The following RAD51AP1 variants were observed in gnomAD, a reference collection of about 807,000 sequenced individuals.
RAD51AP1 encodes RAD51 associated protein 1, also known as RAD51-associated protein 1.
RAD51AP1 carries 14 observed loss-of-function variants against 34.3 expected under a neutral mutation model. The observed-to-expected ratio is 0.41, with a 90% CI of 0.27 to 0.64. RAD51AP1 has a LOEUF of 0.64. Ranked by LOEUF, RAD51AP1 falls within the 30% of genes least tolerant of loss-of-function variation. RAD51AP1 has a pLI of 0.33. For missense variants in RAD51AP1, 348 were observed against 386.9 expected (o/e 0.90, Z 0.84); for synonymous variants, 114 against 129.8 (o/e 0.88, Z 0.83).
At chr12:4,546,892 C>G (rs991030538) in intron 4 of RAD51AP1, among the ~76,000 whole-genome samples, 1 of 152,074 alleles carries the variant, frequency 6.6e-6, no homozygotes, top group African/African-American at 2.4e-5. Context: ...TTTGATTTTT[C>G]TGGCAATATA....
chr12:4,554,677 A>G (rs1333115764), intron 7 of RAD51AP1, among the ~76,000 whole-genome samples: 2 of 152,254 alleles, frequency 1.3e-5, no homozygotes, highest in African/African-American at 2.4e-5. Flanking sequence ...TTAATATATA[A>G]TATTAGAAAT....
In RAD51AP1 at chr12:4,553,022, A is replaced by C; in HGVS notation, c.596A>C (p.Glu199Ala). 1 of 1,599,250 alleles carries C rather than the reference A, an allele frequency of 6.3e-7. No homozygotes were observed. Among genetic ancestry groups the C allele is most frequent in the Non-Finnish European group, 8.5e-7 (1 of 1,175,816 alleles). The change falls in exon 7 of 9, where the codon GAG becomes GCG. Residue 199 changes from glutamate (E) to alanine (A), a missense_variant. Transcript: ENST00000352618. The part of the protein sequence containing the change: ...SEDDSDFCES[E>A]DNDEDFSMRK... ...GATGATTCTGATTTTTGTGAGAGTG[A>C]GGATAATGACGAAGACTTCTCTATG...
chr12:4,543,908 A>G lies in RAD51AP1; in HGVS notation c.209+4A>G. The G allele has an allele frequency of 6.3e-7, 1 of 1,598,788 alleles. No homozygotes were observed. ...AAGAGAAAACCCCTAAAAAAAGGTG[A>G]GAGGTAAGACATGCAGTAAATATAT... On this transcript the variant is annotated splice_donor_region_variant and intron_variant, in intron 3 of 8. Transcript: ENST00000352618.
intron 1 of RAD51AP1, among the ~76,000 whole-genome samples, chr12:4,541,320 A>G (rs963509420): frequency 1.3e-5 from 2 of 152,340 alleles, no homozygotes; most frequent in African/African-American, 4.8e-5. Context: ...CTCAGGTGGT[A>G]GGAACAAGGT....
In RAD51AP1 at chr12:4,548,196, AT is replaced by A. The variant is rs1565525402; in HGVS notation, c.406+19del. On this transcript the variant is annotated intron_variant, in intron 5 of 8. Transcript: ENST00000352618. ...TTATTTAGGTAAGTTTTTTATATTA[AT>A]AATTTTTCTCATCAACAATGCTGTT... 1.9e-6 allele frequency: 3 copies of A among 1,584,406 alleles called. No homozygotes were observed. In the African/African-American group the frequency reaches 4.1e-5, roughly 22 times the overall value.
rs755376308 is a variant in RAD51AP1, at chr12:4,538,928, TTGAAAGGG to T, written c.-11_-4del. 6.2e-7 allele frequency: 1 copy of T among 1,614,036 alleles called. No homozygotes were observed. The highest frequency in any genetic ancestry group is 1.7e-5 in the Admixed American group (1 of 60,018). On this transcript the variant is annotated 5_prime_UTR_variant, in exon 1 of 9. Coordinates refer to ENST00000352618, the MANE Select transcript of RAD51AP1 (RefSeq NM_006479.5). ...ATTTGAGAACTGTAAATACCAAGCC[TTGAAAGGG>T]ACCATGGTGCGGCCTGTGAGGTGGG...
intron 1 of RAD51AP1, among the ~76,000 whole-genome samples, chr12:4,540,603 G>A (rs967148297): frequency 1.3e-5 from 2 of 151,320 alleles, no homozygotes; most frequent in African/African-American, 4.9e-5. Context: ...TGATGAAGTA[G>A]TGGAAATTAT....
At chr12:4,540,899 C>T (rs10849087) in intron 1 of RAD51AP1, among the ~76,000 whole-genome samples, 37,396 of 152,068 alleles carry the variant, frequency 0.25, 5,205 homozygotes, top group African/African-American at 0.36. Flanking sequence ...CTTACTACCT[C>T]TTTTTCATAG....
rs1944601389 is a variant in RAD51AP1 at position 4,558,898 on chromosome 12, G to A, written c.913G>A (p.Val305Ile). The change falls in exon 9 of 9, where the codon GTA becomes ATA. Residue 305 changes from valine to isoleucine, a missense_variant. Val to Ile is a conservative substitution (Grantham distance 29, BLOSUM62 3). Coordinates refer to ENST00000352618, the MANE Select transcript of RAD51AP1 (RefSeq NM_006479.5). ...GSRSSSSPLV[V>I]VSVKSPNQSL... ...CAGAAGTAGCAGCAGCCCACTGGTG[G>A]TAGTGTCTGTGAAGTCTCCCAATCA... The A allele has an allele frequency of 6.2e-7, 1 of 1,614,108 alleles. No individual in the cohort carries two copies. The highest frequency in any genetic ancestry group is 1.1e-5 in the South Asian group (1 of 91,082).
intron 8 of RAD51AP1, among the ~76,000 whole-genome samples, chr12:4,557,786 C>T (rs1944592639): frequency 6.6e-6 from 1 of 152,112 alleles, no homozygotes; most frequent in African/African-American, 2.4e-5. Flanking sequence ...ATGCAGTAGA[C>T]TTGCGTGGGT....
chr12:4,555,874 C>G (rs1164998913), intron 7 of RAD51AP1, among the ~76,000 whole-genome samples: 1 of 152,206 alleles, frequency 6.6e-6, no homozygotes, highest in African/African-American at 2.4e-5. Context: ...TCCTGTTCTT[C>G]CCACTGAAGT....
intron 8 of RAD51AP1, among the ~76,000 whole-genome samples, chr12:4,557,188 T>G (rs1944588678): frequency 6.6e-6 from 1 of 152,196 alleles, no homozygotes; most frequent in East Asian, 1.9e-4. Context: ...CTCAAACATG[T>G]TGTATGTATG....
chr12:4,558,113 C>T (rs1239168680), intron 8 of RAD51AP1, among the ~76,000 whole-genome samples: 2 of 150,296 alleles, frequency 1.3e-5, no homozygotes, highest in African/African-American at 4.9e-5. Context: ...TAAAATTAGC[C>T]AGAGGCATAA....
At chr12:4,554,279 T>C (rs1399166149) in intron 7 of RAD51AP1, among the ~76,000 whole-genome samples, 3 of 152,230 alleles carry the variant, frequency 2.0e-5, no homozygotes, top group Admixed American at 2.0e-4. Context: ...CACATCATGT[T>C]ACTCGACTCT....
At chr12:4,557,058 T>C (rs1031379901) in intron 8 of RAD51AP1, among the ~76,000 whole-genome samples, 2 of 152,234 alleles carry the variant, frequency 1.3e-5, no homozygotes, top group Non-Finnish European at 2.9e-5. Flanking sequence ...TTCTTGACAT[T>C]ACTAAAACCC....
At chr12:4,544,225 G>A (rs1339789048) in intron 3 of RAD51AP1, among the ~76,000 whole-genome samples, 3 of 152,162 alleles carry the variant, frequency 2.0e-5, no homozygotes, top group African/African-American at 7.2e-5. Context: ...AATGACATTA[G>A]ATGACTTAAG....
At position 4,559,796 on chromosome 12, in the gene RAD51AP1, T is replaced by C. The variant is rs1944608345; in HGVS notation, c.*803T>C. The C allele has an allele frequency of 6.6e-6, 1 of 152,202 alleles. No individual in the cohort carries two copies. Among genetic ancestry groups the C allele is most frequent in the African/African-American group, 2.4e-5 (1 of 41,448 alleles). 9.4% of individuals were successfully genotyped at this position (152,202 alleles called of 1,614,324 possible). A position where few individuals can be genotyped will look rare whatever the true frequency, so the allele number is the denominator to read the frequency against. On this transcript the variant is annotated 3_prime_UTR_variant, in exon 9 of 9. Coordinates refer to ENST00000352618, the MANE Select transcript of RAD51AP1 (RefSeq NM_006479.5). ...GTTGTCAAGTACTTAGTCATCCCTA[T>C]TATGATATGAGATAGTACAGCTTTT... is the stretch of plus-strand genomic sequence containing the variant.
chr12:4,550,134 A>G (rs978191334), intron 6 of RAD51AP1, among the ~76,000 whole-genome samples: 3 of 152,154 alleles, frequency 2.0e-5, no homozygotes, highest in Non-Finnish European at 4.4e-5. Context: ...ATTTTCCTCT[A>G]TGGGATGCGA....
At chr12:4,545,240 G>C (rs746918035) in intron 3 of RAD51AP1, 1 of 454,124 alleles carries the variant, frequency 2.2e-6, no homozygotes, top group South Asian at 1.6e-5. Context: ...AATGACAACT[G>C]ATAACTGATA....
Sources: gnomAD v4.1 joint callset for allele counts (sites outside exome capture counted in the v4.1 genomes callset) on GRCh38, gnomAD v4.1.1 for gene constraint, MANE v1.5 for transcripts, NCBI Gene and HGNC (gene_info 2026-07-23, HGNC 2026-07-21) for gene names.